The following DAB1 variants were observed in gnomAD, a reference collection of about 807,000 sequenced individuals.
DAB1 encodes DAB adaptor protein 1, also known as disabled homolog 1.
A neutral mutation model predicts 64.6 loss-of-function variants in DAB1; 15 were observed. The ratio of observed to expected loss-of-function variants is 0.23; its 90% CI spans 0.16 to 0.36. The LOEUF (loss-of-function observed/expected upper bound fraction) is 0.36, where lower values mean the gene tolerates loss of function less well. Among genes scored for constraint, DAB1 ranks in the 10% least tolerant of loss-of-function variants. The probability of loss-of-function intolerance (pLI) is 1.00; values close to 1 mark genes in which losing one functional copy is unlikely to be tolerated. For missense variants in DAB1, 596 were observed against 706.7 expected, an observed-to-expected ratio of 0.84 and a Z score of 1.78; for synonymous variants, 235 against 251.9, an observed-to-expected ratio of 0.93 and a Z score of 0.64.
chr1:57,985,217 A>G lies in DAB1; in HGVS notation n.388-101055T>C, dbSNP rs111470153. 7.4e-3 allele frequency among the ~76,000 whole-genome samples: 1,124 copies of G among 152,220 alleles called. 18 individuals are homozygous for G. Among genetic ancestry groups the G allele is most frequent in the African/African-American group, 0.026 (1,075 of 41,536 alleles). On this transcript the variant is annotated intron_variant and non_coding_transcript_variant, in intron 5 of 20. Coordinates refer to the DAB1 transcript ENST00000485760. ...GCCACCACACCCGGCCTGCTTTAGT[A>G]TCTTAATACCTCTCTAATCCTTTGT...
intron 5 of DAB1, among the ~76,000 whole-genome samples, chr1:57,899,932 TTTTTC>T (rs1644448953): frequency 7.3e-6 from 1 of 137,574 alleles, no homozygotes; most frequent in Admixed American, 7.3e-5. Context: ...CTTGTTTATC[TTTTTC>T]TTTTTTTTTT....
chr1:57,619,649 C>G (rs531295223), intron 7 of DAB1, among the ~76,000 whole-genome samples: 61 of 152,194 alleles, frequency 4.0e-4, no homozygotes, highest in African/African-American at 1.5e-3. Context: ...TGTTTCTCCC[C>G]GCTTGGCCTC....
At chr1:57,827,977 G>T (rs113792746) in intron 1 of DAB1, among the ~76,000 whole-genome samples, 1,544 of 152,160 alleles carry the variant, frequency 0.01, 13 homozygotes, top group Non-Finnish European at 0.014. Flanking sequence ...ATGGAGTCTC[G>T]CTCTGTCGCC....
At chr1:57,223,667 A>G (rs1667051243) in intron 2 of DAB1, among the ~76,000 whole-genome samples, 1 of 152,232 alleles carries the variant, frequency 6.6e-6, no homozygotes. Context: ...ACCTTGCAGT[A>G]TGGCAGAACC....
At chr1:58,142,361 G>T (rs1407202624) in intron 5 of DAB1, among the ~76,000 whole-genome samples, 1 of 152,160 alleles carries the variant, frequency 6.6e-6, no homozygotes, top group African/African-American at 2.4e-5. Flanking sequence ...TTAAAAAGAG[G>T]GTTTCCAGAT....
chr1:57,741,751 A>G (rs1648006659), intron 6 of DAB1, among the ~76,000 whole-genome samples: 1 of 152,210 alleles, frequency 6.6e-6, no homozygotes, highest in South Asian at 2.1e-4. Context: ...GCCGAGTGAG[A>G]AATACTGTAG....
intron 6 of DAB1, among the ~76,000 whole-genome samples, chr1:57,717,863 A>G (rs1427007402): frequency 6.6e-6 from 1 of 152,154 alleles, no homozygotes; most frequent in Non-Finnish European, 1.5e-5. Context: ...GTTGGGAAAT[A>G]ACTCATGCAA....
At chr1:57,368,388 A>T (rs1680235399) in intron 1 of DAB1, among the ~76,000 whole-genome samples, 1 of 152,120 alleles carries the variant, frequency 6.6e-6, no homozygotes, top group Admixed American at 6.5e-5. Flanking sequence ...CACGAACCAG[A>T]GTGGGAACTT....
chr1:57,555,130 G>A (rs1644972441), intron 7 of DAB1, among the ~76,000 whole-genome samples: 1 of 139,064 alleles, frequency 7.2e-6, no homozygotes, highest in African/African-American at 2.7e-5. Context: ...CACCTCCTGG[G>A]TTCAAGTGAT....
At chr1:58,346,828 C>T (rs111622680) in intron 3 of DAB1, among the ~76,000 whole-genome samples, 2,306 of 152,266 alleles carry the variant, frequency 0.015, 64 homozygotes, top group African/African-American at 0.053. Context: ...GTGTGAAATG[C>T]TTAAAACTCA....
At chr1:58,408,347 TTCTG>T (rs1431853665) in intron 3 of DAB1, among the ~76,000 whole-genome samples, 9 of 152,226 alleles carry the variant, frequency 5.9e-5, no homozygotes, top group Admixed American at 3.9e-4. Flanking sequence ...TCCCTGAACA[TTCTG>T]TCTAGCTGTC....
intron 2 of DAB1, among the ~76,000 whole-genome samples, chr1:57,223,245 G>A (rs1337134985): frequency 6.6e-6 from 1 of 152,170 alleles, no homozygotes; most frequent in Non-Finnish European, 1.5e-5. Flanking sequence ...AGAAACTGAG[G>A]GGAATTAACA....
chr1:57,972,360 C>T (rs1482797993), intron 5 of DAB1, among the ~76,000 whole-genome samples: 1 of 152,092 alleles, frequency 6.6e-6, no homozygotes, highest in Non-Finnish European at 1.5e-5. Context: ...CCTCAGGCTC[C>T]CCAGTAACTA....
At chr1:57,769,165 G>A (rs1349323012) in intron 6 of DAB1, among the ~76,000 whole-genome samples, 1 of 152,106 alleles carries the variant, frequency 6.6e-6, no homozygotes, top group African/African-American at 2.4e-5. Flanking sequence ...ATGAATGCAC[G>A]AAATAACCTT....
At chr1:58,238,347 G>T (rs547519348) in intron 4 of DAB1, among the ~76,000 whole-genome samples, 1 of 152,206 alleles carries the variant, frequency 6.6e-6, no homozygotes, top group African/African-American at 2.4e-5. Context: ...GTCAAATGAC[G>T]CAAGGCACAA....
chr1:58,014,313 G>T (rs1365798765), intron 5 of DAB1, among the ~76,000 whole-genome samples: 1 of 152,168 alleles, frequency 6.6e-6, no homozygotes, highest in Non-Finnish European at 1.5e-5. Context: ...GGGAGGGAAA[G>T]AATAATAAAA....
chr1:58,265,136 C>T (rs1290982671), intron 4 of DAB1, among the ~76,000 whole-genome samples: 1 of 152,266 alleles, frequency 6.6e-6, no homozygotes, highest in Non-Finnish European at 1.5e-5. Context: ...GGGCACTTTA[C>T]ACACAATATT....
At chr1:57,535,338 T>C (rs1387879715) in intron 7 of DAB1, among the ~76,000 whole-genome samples, 2 of 152,200 alleles carry the variant, frequency 1.3e-5, no homozygotes, top group Non-Finnish European at 2.9e-5. Flanking sequence ...TATATTTTTG[T>C]AGAATGAATG....
intron 1 of DAB1, among the ~76,000 whole-genome samples, chr1:57,354,171 C>G (rs1326975658): frequency 6.6e-6 from 1 of 152,060 alleles, no homozygotes; most frequent in Non-Finnish European, 1.5e-5. Context: ...CCAAACATAA[C>G]TATTTTGCTC....
Sources: allele counts gnomAD v4.1 joint callset (sites outside exome capture counted in the v4.1 genomes callset), GRCh38; gene constraint gnomAD v4.1.1; transcripts MANE v1.5; gene names NCBI Gene and HGNC (gene_info 2026-07-23, HGNC 2026-07-21).